Variants in PDE4D observed in about 807,000 individuals in gnomAD.
The protein encoded by PDE4D is phosphodiesterase 4D, also known as 3',5'-cyclic-AMP phosphodiesterase 4D.
PDE4D carries 24 observed loss-of-function variants against 87.4 expected under a neutral mutation model. The observed-to-expected ratio is 0.27, with a 90% CI of 0.20 to 0.39. The LOEUF is 0.39. Ranked by LOEUF, PDE4D falls within the 10% of genes least tolerant of loss-of-function variation. The probability of loss-of-function intolerance (pLI) is 1.00; values close to 1 mark genes in which losing one functional copy is unlikely to be tolerated. For missense variants in PDE4D, 714 were observed against 1,041.0 expected, an observed-to-expected ratio of 0.69 and a Z score of 4.32; for synonymous variants, 384 against 383.2, an observed-to-expected ratio of 1.00 and a Z score of -0.02.
intron 6 of PDE4D, among the ~76,000 whole-genome samples, chr5:59,037,085 T>A (rs555897364): frequency 2.4e-4 from 36 of 152,302 alleles, no homozygotes; most frequent in Non-Finnish European, 5.0e-4. Context: ...ACCTAAAAAA[T>A]TTTTAAATCT....
At chr5:60,158,135 A>G (rs1782151357) in intron 2 of PDE4D, among the ~76,000 whole-genome samples, 1 of 152,238 alleles carries the variant, frequency 6.6e-6, no homozygotes, top group South Asian at 2.1e-4. Context: ...TGTGTCACTT[A>G]ATAATTAAAA....
At position 59,750,083 on chromosome 5, in the gene PDE4D, C is replaced by CTTT. The variant is rs1251524921; in HGVS notation, c.455+143084_455+143085insAAA. ...CTTCAAATGGTAGACAGAATTATGA[C>CTTT]CTTTTTTTTTTTTTTTTTTTTAACT... On this transcript the variant is annotated intron_variant, in intron 1 of 14. Coordinates refer to ENST00000340635, the MANE Select transcript of PDE4D (RefSeq NM_001104631.2). Among the ~76,000 whole-genome samples, 356 of 116,452 alleles carry CTTT rather than the reference C, an allele frequency of 3.1e-3. 3 individuals carry two copies. Among genetic ancestry groups the CTTT allele is most frequent in the African/African-American group, 0.01 (346 of 33,374 alleles). 76.4% of individuals were successfully genotyped at this position (116,452 alleles called of 152,430 possible).
chr5:59,968,581 T>C (rs1760335116), intron 3 of PDE4D, among the ~76,000 whole-genome samples: 1 of 151,968 alleles, frequency 6.6e-6, no homozygotes, highest in South Asian at 2.1e-4. Flanking sequence ...AAAGTTGAAA[T>C]AAAAAAATAT....
At position 59,599,397 on chromosome 5, in the gene PDE4D, T is replaced by A. The variant is rs59034042; in HGVS notation, c.455+293771A>T. Among the ~76,000 whole-genome samples the A allele has an allele frequency of 4.9e-3, 741 of 151,626 alleles. 5 individuals carry two copies. The highest frequency in any genetic ancestry group is 0.017 in the African/African-American group (715 of 41,446). ...CACCACACCCAGCTATTTTTATTTATTTATTTATTTTTTTTTTATTTTTAG... is the reference window on the plus strand; with the variant it reads ...CACCACACCCAGCTATTTTTATTTAATTATTTATTTTTTTTTTATTTTTAG... On this transcript the variant is annotated intron_variant, in intron 1 of 14. Coordinates refer to ENST00000340635, the MANE Select transcript of PDE4D (RefSeq NM_001104631.2).
At chr5:60,407,597 C>A (rs1176364087) in intron 1 of PDE4D, among the ~76,000 whole-genome samples, 1 of 151,122 alleles carries the variant, frequency 6.6e-6, no homozygotes, top group Non-Finnish European at 1.5e-5. Context: ...GGACTGCAGG[C>A]GCACGGCACC....
chr5:59,586,803 G>A (rs976650913), intron 1 of PDE4D: 1 of 985,244 alleles, frequency 1.0e-6, no homozygotes, highest in African/African-American at 1.7e-5. Context: ...CCTTGTTAAA[G>A]AAGTGTTAGA....
intron 2 of PDE4D, among the ~76,000 whole-genome samples, chr5:60,055,921 C>A (rs1770726989): frequency 6.6e-6 from 1 of 151,194 alleles, no homozygotes; most frequent in Non-Finnish European, 1.5e-5. Context: ...AACAAAGAAA[C>A]CAAAAGGGAA....
intron 1 of PDE4D, among the ~76,000 whole-genome samples, chr5:60,309,085 C>T (rs1331138517): frequency 2.6e-5 from 4 of 151,934 alleles, no homozygotes; most frequent in Non-Finnish European, 5.9e-5. Context: ...ACTCTGAGTT[C>T]TTGGTGGGAA....
intron 1 of PDE4D, among the ~76,000 whole-genome samples, chr5:60,243,721 T>C (rs934105776): frequency 1.3e-5 from 2 of 151,756 alleles, no homozygotes; most frequent in Non-Finnish European, 3.0e-5. Flanking sequence ...CCATTTCAAT[T>C]GATGCTGAAA....
chr5:60,388,930 T>G (rs1175072532), intron 1 of PDE4D, among the ~76,000 whole-genome samples: 2 of 152,226 alleles, frequency 1.3e-5, no homozygotes, highest in Non-Finnish European at 2.9e-5. Flanking sequence ...GTACCTCTTA[T>G]GGGCAAGTTA....
At chr5:59,921,147 A>G (rs1194362812) in intron 3 of PDE4D, among the ~76,000 whole-genome samples, 1 of 152,308 alleles carries the variant, frequency 6.6e-6, no homozygotes, top group East Asian at 1.9e-4. Context: ...TCTCATACAT[A>G]AGCTCTATGA....
At chr5:59,603,413 A>G (rs1827779896) in intron 1 of PDE4D, among the ~76,000 whole-genome samples, 1 of 152,080 alleles carries the variant, frequency 6.6e-6, no homozygotes, top group African/African-American at 2.4e-5. Context: ...ATCACTAATC[A>G]TCAGAAAAAT....
chr5:59,116,003 T>C (rs979378301), intron 5 of PDE4D, among the ~76,000 whole-genome samples: 20 of 152,208 alleles, frequency 1.3e-4, no homozygotes, highest in African/African-American at 4.8e-4. Context: ...TAATTATTAA[T>C]GGAAAACACA....
intron 5 of PDE4D, among the ~76,000 whole-genome samples, chr5:59,114,679 G>T (rs1336465240): frequency 4.6e-5 from 7 of 152,154 alleles, no homozygotes; most frequent in Non-Finnish European, 8.8e-5. Context: ...GGGGGGAAAG[G>T]AAAAGAAAGA....
chr5:59,641,979 T>G (rs1741663729), intron 1 of PDE4D, among the ~76,000 whole-genome samples: 1 of 152,172 alleles, frequency 6.6e-6, no homozygotes, highest in Non-Finnish European at 1.5e-5. Context: ...AATATAAATG[T>G]CTGTCATTAG....
chr5:60,127,721 G>A (rs1303557740), intron 2 of PDE4D: 1 of 565,646 alleles, frequency 1.8e-6, no homozygotes, highest in Non-Finnish European at 3.1e-6. Flanking sequence ...GGATATTTTG[G>A]ATCTAAAATG....
At chr5:59,290,182 T>C (rs112704382) in intron 1 of PDE4D, among the ~76,000 whole-genome samples, 69 of 151,978 alleles carry the variant, frequency 4.5e-4, no homozygotes, top group African/African-American at 1.6e-3. Flanking sequence ...AAAATTTATA[T>C]GAAACTATAA....
chr5:60,484,055 A>T (rs1178488448), intron 1 of PDE4D, among the ~76,000 whole-genome samples: 1 of 152,148 alleles, frequency 6.6e-6, no homozygotes, highest in Non-Finnish European at 1.5e-5. Context: ...TTGATCTTTC[A>T]AATCATTCAG....
At chr5:59,094,939 T>C (rs1050000581) in intron 5 of PDE4D, among the ~76,000 whole-genome samples, 1 of 152,032 alleles carries the variant, frequency 6.6e-6, no homozygotes, top group Non-Finnish European at 1.5e-5. Flanking sequence ...ACTAACACCA[T>C]TGAATCCGGG....
Sources: allele counts gnomAD v4.1 joint callset (sites outside exome capture counted in the v4.1 genomes callset), GRCh38; gene constraint gnomAD v4.1.1; transcripts MANE v1.5; gene names NCBI Gene and HGNC (gene_info 2026-07-23, HGNC 2026-07-21).